RPS6KA2: variants seen among roughly 807,000 people sequenced by gnomAD.
RPS6KA2 encodes the protein ribosomal protein S6 kinase A2.
In RPS6KA2, 42 loss-of-function variants were observed where a neutral mutation model predicts 91.8. The ratio of observed to expected loss-of-function variants is 0.46; its 90% confidence interval spans 0.36 to 0.59. The LOEUF (loss-of-function observed/expected upper bound fraction) is 0.59, where lower values mean the gene tolerates loss of function less well. Ranked by LOEUF, RPS6KA2 falls within the 20% of genes least tolerant of loss-of-function variation. RPS6KA2 has a pLI of 0.00. For missense variants in RPS6KA2, 798 were observed against 978.5 expected (o/e 0.82, Z 2.46); for synonymous variants, 414 against 393.6 (o/e 1.05, Z -0.61).
chr6:166,610,295 C>T (rs1403086680), intron 1 of RPS6KA2, among the ~76,000 whole-genome samples: 1 of 152,212 alleles, frequency 6.6e-6, no homozygotes, highest in Non-Finnish European at 1.5e-5. Flanking sequence ...TGGCCTTCCG[C>T]TCCTTTCCCG....
At position 166,412,521 on chromosome 6, in the gene RPS6KA2, CG is replaced by C. The variant is rs370305086; in HGVS notation, c.*240del. The C allele has an allele frequency of 2.5e-4, 94 of 383,254 alleles. No homozygotes were observed. Among genetic ancestry groups the C allele is most frequent in the African/African-American group, 1.7e-3 (81 of 48,318 alleles). The allele number at this position is 383,254 out of a possible 1,614,324, so 23.7% of individuals were successfully genotyped here. A position where few individuals can be genotyped will look rare whatever the true frequency, so the allele number is the denominator to read the frequency against. ...CGCACGGGCACGCGAGGTGAAGGGG[CG>C]CATTTGGTTTCGCTTGGGAGAAAAG... On this transcript the variant is annotated 3_prime_UTR_variant, in exon 21 of 21. Coordinates refer to ENST00000265678, the MANE Select transcript of RPS6KA2 (RefSeq NM_021135.6). The surrounding 1 kb of genome is among the most constrained non-coding windows in gnomAD (Gnocchi z 4.3).
rs537853989 is a variant in RPS6KA2 at position 166,767,821 on chromosome 6, G to A, written c.123+90379C>T. On this transcript the variant is annotated intron_variant, in intron 2 of 21. Transcript: ENST00000503859. This position sits in a 1 kb window ranked among gnomAD's most constrained non-coding sequence, Gnocchi z 4.6. ...CACACACACACACACACACACCCTGGTGTCAGGCAGCCGGCCACCACAGAG... is the reference window on the plus strand; with the variant it reads ...CACACACACACACACACACACCCTGATGTCAGGCAGCCGGCCACCACAGAG... Among the ~76,000 whole-genome samples, 1 of 150,424 alleles carries A rather than the reference G, an allele frequency of 6.6e-6. No homozygotes were observed. The highest frequency in any genetic ancestry group is 2.1e-4 in the South Asian group (1 of 4,740).
chr6:166,480,523 T>A (rs1251479406), intron 10 of RPS6KA2, among the ~76,000 whole-genome samples: 5 of 121,058 alleles, frequency 4.1e-5, no homozygotes, highest in South Asian at 2.5e-4. Flanking sequence ...ATAATATATT[T>A]TTTTTTTTTG....
In RPS6KA2 at chr6:166,701,944, T is replaced by C. The variant is rs190189907; in HGVS notation, c.123+156256A>G. On this transcript the variant is annotated intron_variant, in intron 2 of 21. Transcript: ENST00000503859. ...GCTCAATTTTTTTAAGATTTCTTCC[T>C]TCTTTACCAATAAGACGGCCAACAA... The C allele has an allele frequency of 7.8e-4, 880 of 1,132,938 alleles. 7 individuals carry two copies. The African/African-American group carries it at 0.012, about 16-fold the overall frequency. 70.2% of individuals were successfully genotyped at this position (1,132,938 alleles called of 1,614,324 possible).
chr6:166,744,061 A>G (rs1231796189), intron 2 of RPS6KA2, among the ~76,000 whole-genome samples: 2 of 152,014 alleles, frequency 1.3e-5, no homozygotes, highest in African/African-American at 2.4e-5. Context: ...TCTCAAATTC[A>G]TACCCTGAGC....
Position 166,707,061 on chromosome 6 carries a change from G to A in RPS6KA2, c.123+151139C>T, listed in dbSNP as rs78810309. ...CCAACATACCTATAATTAGTGTGCAGGAAGAAGAAAAGTACCCAGCAAACT... is the reference window on the plus strand; with the variant it reads ...CCAACATACCTATAATTAGTGTGCAAGAAGAAGAAAAGTACCCAGCAAACT... On this transcript the variant is annotated intron_variant, in intron 2 of 21. Transcript: ENST00000503859. Among the ~76,000 whole-genome samples the A allele has an allele frequency of 9.6e-3, 1,467 of 152,330 alleles. 21 individuals carry two copies. Among genetic ancestry groups the A allele is most frequent in the African/African-American group, 0.032 (1,349 of 41,576 alleles).
At chr6:166,535,293 C>T (rs11961434) in intron 2 of RPS6KA2, among the ~76,000 whole-genome samples, 7,864 of 152,216 alleles carry the variant, frequency 0.052, 666 homozygotes, top group African/African-American at 0.18. Flanking sequence ...ATTCTCAGCT[C>T]TCTCTCAGAA....
chr6:166,431,997 G>T (rs1056749109), intron 15 of RPS6KA2, among the ~76,000 whole-genome samples: 1 of 152,170 alleles, frequency 6.6e-6, no homozygotes, highest in Admixed American at 6.5e-5. Context: ...TATGCATGAG[G>T]GAAACTGAGG....
intron 1 of RPS6KA2, among the ~76,000 whole-genome samples, chr6:166,859,004 ATGC>A (rs1780980643): frequency 1.3e-5 from 1 of 79,606 alleles, no homozygotes. Flanking sequence ...ACCGGCTGCC[ATGC>A]AGCAGACACG....
Position 166,639,917 on chromosome 6 carries a change from C to T in RPS6KA2, c.124-101133G>A, listed in dbSNP as rs1307939489. ...CCAATGTTAAACTACTTCAGAGAAG[C>T]AAGTGTCCGTAGCGTTCCATGCGTG... On this transcript the variant is annotated intron_variant, in intron 2 of 21. Transcript: ENST00000503859. The surrounding 1 kb of genome is among the most constrained non-coding windows in gnomAD (Gnocchi z 4.2). Among the ~76,000 whole-genome samples, 1 of 152,192 alleles carries T rather than the reference C, an allele frequency of 6.6e-6. No individual in the cohort carries two copies. Among genetic ancestry groups the T allele is most frequent in the Non-Finnish European group, 1.5e-5 (1 of 68,036 alleles).
intron 2 of RPS6KA2, among the ~76,000 whole-genome samples, chr6:166,824,955 A>G (rs899326915): frequency 6.6e-6 from 1 of 152,246 alleles, no homozygotes; most frequent in African/African-American, 2.4e-5. Flanking sequence ...TGCAGGCCAC[A>G]GCGTTCTGTG....
intron 2 of RPS6KA2, among the ~76,000 whole-genome samples, chr6:166,647,995 T>C (rs1313060272): frequency 8.4e-6 from 1 of 119,312 alleles, no homozygotes; most frequent in Non-Finnish European, 1.7e-5. Context: ...CACACGCACA[T>C]GCTCACACAC....
chr6:166,499,705 C>T (rs111889214), intron 7 of RPS6KA2, among the ~76,000 whole-genome samples: 9 of 152,242 alleles, frequency 5.9e-5, no homozygotes, highest in African/African-American at 1.7e-4. Context: ...GTCCATTAAA[C>T]CTCTTTCCTT....
chr6:166,770,464 C>T lies in RPS6KA2; in HGVS notation c.123+87736G>A, dbSNP rs1562429311. Among the ~76,000 whole-genome samples, 1 of 152,214 alleles carries T rather than the reference C, an allele frequency of 6.6e-6. No individual in the cohort carries two copies. Among genetic ancestry groups the T allele is most frequent in the East Asian group, 1.9e-4 (1 of 5,194 alleles). ...CTTCAGCACCCCCACGTTTGCCTCG[C>T]TGCCATGGCTCCCTTCTGCCGCTGG... On this transcript the variant is annotated intron_variant, in intron 2 of 21. Coordinates refer to the RPS6KA2 transcript ENST00000503859. This position sits in a 1 kb window ranked among gnomAD's most constrained non-coding sequence, Gnocchi z 5.1.
intron 14 of RPS6KA2, among the ~76,000 whole-genome samples, chr6:166,438,417 G>A (rs751388476): frequency 2.3e-4 from 35 of 152,340 alleles, no homozygotes; most frequent in African/African-American, 6.3e-4. Context: ...GTCACGCCGC[G>A]TCACTACAGT....
In RPS6KA2 at chr6:166,832,999, TTAAGA is replaced by T. The variant is rs1288973988; in HGVS notation, c.123+25196_123+25200del. On this transcript the variant is annotated intron_variant, in intron 2 of 21. Transcript: ENST00000503859. ...TGTAAATGCAGTTTAATTTGCTTAA[TTAAGA>T]TGTTTAGCAACTTTTTCTTTCATAA... Among the ~76,000 whole-genome samples, 3 of 152,166 alleles carry T rather than the reference TTAAGA, an allele frequency of 2.0e-5. No individual in the cohort carries two copies. In the East Asian group the frequency reaches 5.8e-4, roughly 30 times the overall value.
At position 166,535,905 on chromosome 6, in the gene RPS6KA2, T is replaced by C. The variant is rs149986714; in HGVS notation, c.216+2763A>G. The stretch of plus-strand genomic sequence containing the variant: ...AGAGCTCATAGACGCTTCCCGCTGG[T>C]GGTGAGTGCAGCTTCTCCCACAGGA... On this transcript the variant is annotated intron_variant, in intron 2 of 20. Coordinates refer to ENST00000265678, the MANE Select transcript of RPS6KA2 (RefSeq NM_021135.6). 2.2e-3 allele frequency among the ~76,000 whole-genome samples: 338 copies of C among 152,330 alleles called. 4 individuals are homozygous for C. The highest frequency in any genetic ancestry group is 7.7e-3 in the African/African-American group (320 of 41,564).
chr6:166,485,368 G>A (rs9295350), intron 10 of RPS6KA2, among the ~76,000 whole-genome samples: 1 of 152,252 alleles, frequency 6.6e-6, no homozygotes, highest in Admixed American at 6.5e-5. Context: ...TTGCAAACTC[G>A]ATTCTAAGGC....
chr6:166,486,291 C>T (rs963412481), intron 10 of RPS6KA2, among the ~76,000 whole-genome samples: 8 of 149,006 alleles, frequency 5.4e-5, no homozygotes, highest in Non-Finnish European at 1.2e-4. Context: ...CACGCATGAA[C>T]ACACACACAC....
Sources: gnomAD v4.1 joint callset for allele counts (sites outside exome capture counted in the v4.1 genomes callset) on GRCh38, gnomAD v4.1.1 for gene constraint, Gnocchi (gnomAD v3.1) non-coding constraint, MANE v1.5 for transcripts, NCBI Gene and HGNC (gene_info 2026-07-23, HGNC 2026-07-21) for gene names.